The following GBF1 variants were observed in gnomAD, a reference collection of about 807,000 sequenced individuals.
The protein encoded by GBF1 is Golgi-specific brefeldin A-resistance guanine nucleotide exchange factor 1.
Under a neutral mutation model 210.5 loss-of-function variants are expected in GBF1, and 114 were observed. The ratio of observed to expected loss-of-function variants is 0.54; its 90% CI spans 0.47 to 0.63. GBF1 has a LOEUF of 0.63. Ranked by LOEUF, GBF1 falls within the 30% of genes least tolerant of loss-of-function variation. The probability of loss-of-function intolerance (pLI) is 0.00; values close to 1 mark genes in which losing one functional copy is unlikely to be tolerated. For missense variants in GBF1, 1,851 were observed against 2,357.7 expected (o/e 0.79, Z 4.45); for synonymous variants, 850 against 889.2 (o/e 0.96, Z 0.78).
chr10:102,377,089 C>G lies in GBF1; in HGVS notation c.4443C>G (p.Asp1481Glu). ...GCGGGCAGAGTGATGATGATGAGGA[C>G]GAAGGCGTGCCTGCCAGCTACCATA... ...SRGGQSDDDEDEGVPASYHTV... is the reference protein window; with the variant it reads ...SRGGQSDDDEEEGVPASYHTV... The change falls in exon 33 of 40, where the codon GAC (aspartate) becomes GAG (glutamate). Residue 1481 changes from aspartate (D) to glutamate (E), a missense_variant. Physicochemically the swap from Asp to Glu is conservative, Grantham distance 45. This residue lies in a region of GBF1 where 967 missense variants were observed against 1,247.7 expected (regional missense o/e 0.78). Transcript: ENST00000369983. 6.2e-7 allele frequency: 1 copy of G among 1,614,134 alleles called. No individual in the cohort carries two copies. Among genetic ancestry groups the G allele is most frequent in the Non-Finnish European group, 8.5e-7 (1 of 1,180,016 alleles).
intron 3 of GBF1, among the ~76,000 whole-genome samples, chr10:102,313,118 AT>A (rs1199898899): frequency 6.6e-6 from 1 of 152,150 alleles, no homozygotes; most frequent in Admixed American, 6.5e-5. Context: ...GATATAGCAT[AT>A]TATAGGTGCT....
chr10:102,345,646 CAAAAAAAAAA>C (rs59037566), intron 4 of GBF1, among the ~76,000 whole-genome samples: 8 of 17,982 alleles, frequency 4.4e-4, no homozygotes, highest in Non-Finnish European at 9.1e-4. Context: ...GACTCCGTCT[CAAAAAAAAAA>C]AAAAAAAAAA....
chr10:102,380,502 G>C lies in GBF1; in HGVS notation c.4993-4G>C. On this transcript the variant is annotated splice_region_variant and splice_polypyrimidine_tract_variant and intron_variant, in intron 37 of 39. Transcript: ENST00000369983. ...TATTCTCATGGTCCCACTGCCACCT[G>C]CAGTCAGAGGCGATCCCTGAGTCTC... is the stretch of plus-strand genomic sequence containing the variant. 1 of 1,610,466 alleles carries C rather than the reference G, an allele frequency of 6.2e-7. No individual in the cohort carries two copies. The highest frequency in any genetic ancestry group is 1.1e-5 in the South Asian group (1 of 90,748).
chr10:102,295,465 C>T (rs1331342897), intron 3 of GBF1, among the ~76,000 whole-genome samples: 3 of 151,972 alleles, frequency 2.0e-5, no homozygotes, highest in Non-Finnish European at 4.4e-5. Context: ...TGAGCACTAA[C>T]TAAAATTTTT....
At chr10:102,256,414 T>C (rs2072387866) in intron 1 of GBF1, among the ~76,000 whole-genome samples, 1 of 152,122 alleles carries the variant, frequency 6.6e-6, no homozygotes, top group African/African-American at 2.4e-5. Flanking sequence ...TCTATTCCAC[T>C]AAACTGTATA....
At position 102,382,247 on chromosome 10, in the gene GBF1, A is replaced by C. The variant is rs376953826; in HGVS notation, c.5494A>C (p.Asn1832His). 6.2e-7 allele frequency: 1 copy of C among 1,613,718 alleles called. No individual in the cohort carries two copies. The highest frequency in any genetic ancestry group is 1.3e-5 in the African/African-American group (1 of 74,822). ...ACCTATGACTCTGCCCATCATCCTC[A>C]ACCCTGCGCTCATCGAGGCCACCTC... ...VPPMTLPIIL[N>H]PALIEATSPV... The change falls in exon 40 of 40, where the codon AAC (asparagine) becomes CAC (histidine). Residue 1832 changes from asparagine to histidine, a missense_variant. Asn to His is a moderately conservative substitution (Grantham distance 68). Coordinates refer to ENST00000369983, the MANE Select transcript of GBF1 (RefSeq NM_001377137.1).
intron 17 of GBF1, among the ~76,000 whole-genome samples, chr10:102,364,044 C>T (rs1176052544): frequency 6.6e-6 from 1 of 152,060 alleles, no homozygotes; most frequent in African/African-American, 2.4e-5. Flanking sequence ...AGCCAAGTGT[C>T]ACTAGTGGCA....
chr10:102,258,742 C>T (rs1361634916), intron 1 of GBF1, among the ~76,000 whole-genome samples, 187 bp from the exon 2 acceptor site: 1 of 148,206 alleles, frequency 6.7e-6, no homozygotes. Context: ...CCATTGCACT[C>T]CAGCCTGGGC....
intron 3 of GBF1, among the ~76,000 whole-genome samples, chr10:102,276,617 T>G (rs2075003226): frequency 6.6e-6 from 1 of 152,144 alleles, no homozygotes; most frequent in Non-Finnish European, 1.5e-5. Context: ...GCTTTTTATT[T>G]AGAGAATGGG....
intron 30 of GBF1, 113 bp downstream of exon 30, chr10:102,375,697 C>A: frequency 1.5e-6 from 1 of 683,242 alleles, no homozygotes; most frequent in Non-Finnish European, 2.5e-6. Context: ...ACAGCCCTGG[C>A]TCCTGCCATC....
intron 3 of GBF1, among the ~76,000 whole-genome samples, chr10:102,288,433 C>T (rs1462088260): frequency 2.6e-5 from 4 of 152,144 alleles, no homozygotes; most frequent in African/African-American, 7.2e-5. Context: ...AAATTACGGC[C>T]GGGCGCGGTG....
Position 102,369,888 on chromosome 10 carries a change from G to A in GBF1, c.3243G>A (p.Val1081=). Reference sequence around the variant, plus strand: ...GAGAGTCAACAGTGCTGAGCTTTGTGAGCTGGCTAACACTGAGTGGTCCTG... The same window carrying A: ...GAGAGTCAACAGTGCTGAGCTTTGTAAGCTGGCTAACACTGAGTGGTCCTG... ...NRGESTVLSF[V]SWLTLSGPEQ... The change falls in exon 26 of 40, where the codon GTG becomes GTA. Residue 1081 remains valine (V), a synonymous_variant. Transcript: ENST00000369983. The A allele has an allele frequency of 1.2e-6, 2 of 1,614,124 alleles. No individual in the cohort carries two copies. The highest frequency in any genetic ancestry group is 1.7e-6 in the Non-Finnish European group (2 of 1,179,996).
rs748857475 is a variant in GBF1 at position 102,377,095 on chromosome 10, C to T, written c.4449C>T (p.Gly1483=). The change falls in exon 33 of 40, where the codon GGC becomes GGT. Residue 1483 remains glycine, a synonymous_variant. Transcript: ENST00000369983. ...GGQSDDDEDE[G]VPASYHTVSL... ...AGAGTGATGATGATGAGGACGAAGG[C>T]GTGCCTGCCAGCTACCATACGGTGT... is the stretch of plus-strand genomic sequence containing the variant. The T allele has an allele frequency of 1.9e-5, 30 of 1,614,110 alleles. No individual in the cohort carries two copies. The East Asian group carries it at 2.0e-4, about 11-fold the overall frequency.
Position 102,271,293 on chromosome 10 carries a change from T to C in GBF1, c.163+11177T>C, listed in dbSNP as rs143477569. ...ACCTCGTGATCTGCCCGCCTCGGCC[T>C]CCCCAAGTGCTGGAATTACAGGCGT... On this transcript the variant is annotated intron_variant, in intron 3 of 39. Transcript: ENST00000369983. Among the ~76,000 whole-genome samples the C allele has an allele frequency of 5.1e-4, 77 of 152,232 alleles. No homozygotes were observed. The East Asian group carries it at 0.014, about 27-fold the overall frequency.
chr10:102,329,707 C>G (rs918923681), intron 3 of GBF1, among the ~76,000 whole-genome samples: 5 of 152,168 alleles, frequency 3.3e-5, no homozygotes, highest in African/African-American at 1.2e-4. Flanking sequence ...TCATGATCCA[C>G]CTGCCTCGGC....
At chr10:102,373,970 T>C (rs982290164) in intron 29 of GBF1, among the ~76,000 whole-genome samples, 1 of 152,224 alleles carries the variant, frequency 6.6e-6, no homozygotes, top group Non-Finnish European at 1.5e-5. Context: ...CAGGGAACTA[T>C]GCTGAGTGAA....
chr10:102,310,508 C>T (rs1008988522), intron 3 of GBF1, among the ~76,000 whole-genome samples: 2 of 152,146 alleles, frequency 1.3e-5, no homozygotes, highest in Admixed American at 1.3e-4. Flanking sequence ...GAGGCCTGCA[C>T]GCACATTTGT....
intron 4 of GBF1, 70 bp downstream of exon 4, chr10:102,344,252 T>C (rs1025692829): frequency 3.5e-6 from 5 of 1,435,764 alleles, no homozygotes; most frequent in Non-Finnish European, 4.9e-6. Flanking sequence ...GCCCAGGCCT[T>C]AGGCAATGAG....
the GBF1 span, among the ~76,000 whole-genome samples, chr10:102,239,765 C>A: frequency 6.6e-6 from 1 of 152,228 alleles, no homozygotes; most frequent in East Asian, 1.9e-4. Context: ...TCTCCCTGTT[C>A]TGTCCTCTTC....
Sources: allele counts gnomAD v4.1 joint callset (sites outside exome capture counted in the v4.1 genomes callset), GRCh38; gene constraint gnomAD v4.1.1; regional missense constraint gnomAD v4.1.1; transcripts MANE v1.5; gene names NCBI Gene and HGNC (gene_info 2026-07-23, HGNC 2026-07-21).